Variants in IAH1 observed in about 807,000 individuals in gnomAD.
IAH1 encodes the protein isoamyl acetate hydrolyzing esterase 1 (putative).
IAH1 carries 24 observed loss-of-function variants against 26.7 expected under a neutral mutation model. That is an observed-to-expected ratio of 0.90 (90% CI 0.65 to 1.26). IAH1 has a LOEUF of 1.26. IAH1 is among the 50% of genes most tolerant of loss of function. The probability of loss-of-function intolerance (pLI) is 0.00; values close to 1 mark genes in which losing one functional copy is unlikely to be tolerated. For missense variants in IAH1, 300 were observed against 299.9 expected, an observed-to-expected ratio of 1.00 and a Z score of 0.00; for synonymous variants, 140 against 118.5, an observed-to-expected ratio of 1.18 and a Z score of -1.18.
rs1328509441 is a variant in IAH1 at position 9,481,333 on chromosome 2, C to T, written c.331C>T (p.Leu111=). 1.9e-6 allele frequency: 3 copies of T among 1,614,180 alleles called. No homozygotes were observed. Among genetic ancestry groups the T allele is most frequent in the Non-Finnish European group, 2.5e-6 (3 of 1,180,038 alleles). The part of the protein sequence containing the change: ...HIPLEEYAAN[L]KSMVQYLKSV... ...TCCCCTGGAGGAGTACGCTGCGAAC[C>T]TAAAGAGCATGGTGCAGTACCTGAA... Residue 111 remains leucine, a synonymous_variant, in exon 4 of 6, where the codon CTA becomes TTA. Transcript: ENST00000497473.
At chr2:9,490,584 A>C, downstream of IAH1, 2 of 1,444,300 alleles carry the variant, frequency 1.4e-6, no homozygotes, top group Non-Finnish European at 9.3e-7. Flanking sequence ...TCACAGCTCC[A>C]CCCTTACCCA....
At chr2:9,505,114 T>G in the IAH1 span, 1 of 1,584,228 alleles carries the variant, frequency 6.3e-7, no homozygotes, top group East Asian at 2.2e-5. Context: ...TCTCTTATTT[T>G]GGACATCTTG....
In IAH1 at chr2:9,489,115, T is replaced by TATC. The variant is rs1255583837; in HGVS notation, c.*787_*789dup. 2 of 152,000 alleles carry TATC rather than the reference T, an allele frequency of 1.3e-5. No homozygotes were observed. Among genetic ancestry groups the TATC allele is most frequent in the Admixed American group, 1.3e-4 (2 of 15,250 alleles). 9.4% of individuals were successfully genotyped at this position (152,000 alleles called of 1,614,324 possible). A position where few individuals can be genotyped will look rare whatever the true frequency, so the allele number is the denominator to read the frequency against. The stretch of plus-strand genomic sequence containing the variant: ...CCAACCCTAAGGGCAGGTAGTATTC[T>TATC]ATCTCCTGGCTGGCTCATCACATTC... On this transcript the variant is annotated 3_prime_UTR_variant, in exon 6 of 6. Coordinates refer to ENST00000497473, the MANE Select transcript of IAH1 (RefSeq NM_001039613.3).
the IAH1 span, chr2:9,509,838 C>T: frequency 1.8e-6 from 2 of 1,093,394 alleles, no homozygotes; most frequent in East Asian, 2.4e-5. Flanking sequence ...AAACACACAA[C>T]CACGTTTCAA....
downstream of IAH1, chr2:9,492,790 C>A: frequency 1.1e-6 from 1 of 875,488 alleles, no homozygotes; most frequent in Admixed American, 3.4e-5. Context: ...TTGGAAATAT[C>A]AGGCCAAACT....
chr2:9,474,709 G>C lies in IAH1; in HGVS notation c.81+62G>C. 7.7e-7 allele frequency: 1 copy of C among 1,298,754 alleles called. No individual in the cohort carries two copies. The allele number at this position is 1,298,754 out of a possible 1,614,324, so 80.5% of individuals were successfully genotyped here. On this transcript the variant is annotated intron_variant, in intron 1 of 5. Transcript: ENST00000497473. The surrounding 1 kb of genome is among the most constrained non-coding windows in gnomAD (Gnocchi z 4.3). ...CTCCCTGCGGGGTCGCTGCCGAGCA[G>C]GCCGAGGCTCCTCGCCGTCCTCTTC...
downstream of IAH1, chr2:9,497,381 G>C: frequency 1.7e-6 from 2 of 1,146,540 alleles, no homozygotes; most frequent in Non-Finnish European, 2.4e-6. Context: ...ACAGAGCTAG[G>C]ACAAGAGCCT....
In IAH1 at chr2:9,474,731, C is replaced by A; in HGVS notation, c.81+84C>A. The A allele has an allele frequency of 5.6e-6, 6 of 1,068,018 alleles. No homozygotes were observed. In the South Asian group the frequency reaches 9.3e-5, roughly 17 times the overall value. The allele number at this position is 1,068,018 out of a possible 1,614,324, so 66.2% of individuals were successfully genotyped here. A position where few individuals can be genotyped will look rare whatever the true frequency, so the allele number is the denominator to read the frequency against. On this transcript the variant is annotated intron_variant, in intron 1 of 5. Coordinates refer to ENST00000497473, the MANE Select transcript of IAH1 (RefSeq NM_001039613.3). This position sits in a 1 kb window ranked among gnomAD's most constrained non-coding sequence, Gnocchi z 4.3. ...GCAGGCCGAGGCTCCTCGCCGTCCT[C>A]TTCGGCGCCCGAGACGGCTGGGCCG... is the stretch of plus-strand genomic sequence containing the variant.
intron 4 of IAH1, among the ~76,000 whole-genome samples, chr2:9,482,160 C>G (rs766665510): frequency 8.6e-5 from 13 of 151,500 alleles, no homozygotes; most frequent in Non-Finnish European, 1.6e-4. Context: ...TCCTGAGTAG[C>G]TGGGATTATG....
chr2:9,481,972 C>T (rs919236380), intron 4 of IAH1, among the ~76,000 whole-genome samples: 2 of 151,836 alleles, frequency 1.3e-5, no homozygotes, highest in African/African-American at 4.8e-5. Flanking sequence ...ACGGTTCAAA[C>T]CTGTGTTGTT....
downstream of IAH1, chr2:9,492,792 G>A (rs769586899): frequency 3.3e-6 from 3 of 921,398 alleles, no homozygotes; most frequent in Non-Finnish European, 4.7e-6. Flanking sequence ...GGAAATATCA[G>A]GCCAAACTTT....
In IAH1 at chr2:9,474,922, C is replaced by G. The variant is rs1161079635; in HGVS notation, c.81+275C>G. The G allele has an allele frequency of 2.5e-6, 2 of 786,088 alleles. No homozygotes were observed. Among genetic ancestry groups the G allele is most frequent in the African/African-American group, 1.9e-5 (1 of 53,378 alleles). The allele number at this position is 786,088 out of a possible 1,614,324, so 48.7% of individuals were successfully genotyped here. A position where few individuals can be genotyped will look rare whatever the true frequency, so the allele number is the denominator to read the frequency against. On this transcript the variant is annotated intron_variant, in intron 1 of 5. Transcript: ENST00000497473. The surrounding 1 kb of genome is among the most constrained non-coding windows in gnomAD (Gnocchi z 4.3). ...CCGCGCTGCCCGCCCCGCGCCGCCT[C>G]CCACCCGGGTCGAGATGCGCGGTCT...
chr2:9,475,958 G>A, intron 1 of IAH1, 29 bp from the exon 2 acceptor site: 4 of 1,602,922 alleles, frequency 2.5e-6, no homozygotes, highest in Middle Eastern at 1.8e-4. Flanking sequence ...ACAGTCATTA[G>A]TAGTAATAAT....
the IAH1 span, among the ~76,000 whole-genome samples, chr2:9,507,764 GGCTGGAGTGTAGTA>G: frequency 1.3e-5 from 2 of 151,952 alleles, no homozygotes; most frequent in South Asian, 4.1e-4. Flanking sequence ...CTGTCATCCA[GGCTGGAGTGTAGTA>G]GCACAACCTT....
chr2:9,502,290 G>A, the IAH1 span: 1 of 1,592,838 alleles, frequency 6.3e-7, no homozygotes, highest in African/African-American at 1.3e-5. Flanking sequence ...GAGAAGAACA[G>A]CAGACAGGAA....
chr2:9,491,272 A>G, downstream of IAH1: 7 of 832,194 alleles, frequency 8.4e-6, no homozygotes, highest in Non-Finnish European at 1.3e-5. Context: ...GTAGAAAGTG[A>G]TAGCAGGCTC....
downstream of IAH1, among the ~76,000 whole-genome samples, chr2:9,499,615 G>A (rs183792650): frequency 2.5e-3 from 382 of 152,208 alleles, 2 homozygotes; most frequent in African/African-American, 8.9e-3. Context: ...TGTTAGCCAG[G>A]ATGGTCTCGA....
intron 6 of IAH1, among the ~76,000 whole-genome samples, chr2:9,495,849 C>G (rs935554999): frequency 4.7e-5 from 7 of 150,084 alleles, no homozygotes; most frequent in African/African-American, 1.2e-4. Flanking sequence ...TTGGCATCTG[C>G]TACGTGTTAC....
chr2:9,485,629 C>CT (rs1485470341), intron 5 of IAH1: 1 of 154,246 alleles, frequency 6.5e-6, no homozygotes, highest in Admixed American at 6.5e-5. Context: ...TACAGGGAGA[C>CT]TGTCTCACCC....
Sources: gnomAD v4.1 joint callset for allele counts (sites outside exome capture counted in the v4.1 genomes callset) on GRCh38, gnomAD v4.1.1 for gene constraint, Gnocchi (gnomAD v3.1) non-coding constraint, MANE v1.5 for transcripts, NCBI Gene and HGNC (gene_info 2026-07-23, HGNC 2026-07-21) for gene names.